Variants in STAM observed in about 807,000 individuals in gnomAD.
STAM encodes the protein signal transducing adaptor molecule.
In STAM, 16 loss-of-function variants were observed where a neutral mutation model predicts 63.4. The observed-to-expected ratio is 0.25, with a 90% CI of 0.17 to 0.38. The LOEUF is 0.38. Ranked by LOEUF, STAM falls within the 10% of genes least tolerant of loss-of-function variation. The pLI, the probability that STAM is intolerant of heterozygous loss-of-function variation, is 1.00. For missense variants in STAM, 636 were observed against 657.1 expected (o/e 0.97, Z 0.35); for synonymous variants, 238 against 223.9 (o/e 1.06, Z -0.56).
chr10:17,683,021 T>G (rs1835150671), intron 2 of STAM, among the ~76,000 whole-genome samples: 1 of 152,254 alleles, frequency 6.6e-6, no homozygotes. Flanking sequence ...TTATGAAAAC[T>G]GCTAACGGTA....
rs1023342295 is a variant in STAM at position 17,704,743 on chromosome 10, A to G, written c.1000+225A>G. ...TGTTCAACATTTTAGAACCTGGTAA[A>G]ATGAAAAATGGCACTTTAAGATTTT... On this transcript the variant is annotated intron_variant, in intron 10 of 13. Coordinates refer to ENST00000377524, the MANE Select transcript of STAM (RefSeq NM_003473.4). Among the ~76,000 whole-genome samples, 5 of 152,222 alleles carry G rather than the reference A, an allele frequency of 3.3e-5. No individual in the cohort carries two copies. Among genetic ancestry groups the G allele is most frequent in the African/African-American group, 1.2e-4 (5 of 41,448 alleles).
Position 17,714,771 on chromosome 10 carries a change from T to C in STAM, c.1614T>C (p.Ala538=), listed in dbSNP as rs782363025. The C allele has an allele frequency of 1.2e-6, 2 of 1,613,806 alleles. No homozygotes were observed. Among genetic ancestry groups the C allele is most frequent in the Non-Finnish European group, 8.5e-7 (1 of 1,179,938 alleles). ...CACAGCAACCATATTCTCAGAAGGC[T>C]CTGCTATAGGACCCGGTGTTCCTCT... ...PQPQQPYSQK[A]LL The change falls in exon 14 of 14, where the codon GCT becomes GCC. Residue 538 remains alanine (A), a synonymous_variant. Transcript: ENST00000377524.
chr10:17,660,352 C>G (rs368313917), intron 1 of STAM, 112 bp from the exon 2 acceptor site: 1 of 624,686 alleles, frequency 1.6e-6, no homozygotes, highest in African/African-American at 1.9e-5. Flanking sequence ...GGCAACTATT[C>G]TGATTTGTTG....
Position 17,707,879 on chromosome 10 carries a change from GT to G in STAM, c.1210-883del, listed in dbSNP as rs782290174. Among the ~76,000 whole-genome samples, 464 of 139,254 alleles carry G rather than the reference GT, an allele frequency of 3.3e-3. 1 individual carries two copies. Among genetic ancestry groups the G allele is most frequent in the African/African-American group, 7.9e-3 (302 of 38,252 alleles). The allele number at this position is 139,254 out of a possible 152,430, so 91.4% of individuals were successfully genotyped here. A position where few individuals can be genotyped will look rare whatever the true frequency, so the allele number is the denominator to read the frequency against. Reference sequence around the variant, plus strand: ...AGTAGACAAATCCAGCCTGTTGCCTGTTTTTTTTTTTTTTAATAAACTTTTT... The same window carrying G: ...AGTAGACAAATCCAGCCTGTTGCCTGTTTTTTTTTTTTTAATAAACTTTTT... On this transcript the variant is annotated intron_variant, in intron 12 of 13. Transcript: ENST00000377524.
intron 2 of STAM, among the ~76,000 whole-genome samples, chr10:17,671,323 G>T (rs1306324224): frequency 6.6e-6 from 1 of 152,174 alleles, no homozygotes; most frequent in Non-Finnish European, 1.5e-5. Context: ...AGTTGTAAAA[G>T]CAAAGATAAA....
rs1836428069 is a variant in STAM, at chr10:17,708,917, C to T, written c.1351C>T (p.Leu451Phe). The T allele has an allele frequency of 1.2e-6, 2 of 1,614,032 alleles. No homozygotes were observed. The highest frequency in any genetic ancestry group is 1.7e-5 in the Admixed American group (1 of 59,994). The change falls in exon 13 of 14, where the codon CTT (leucine) becomes TTT (phenylalanine). Residue 451 changes from leucine to phenylalanine, a missense_variant. Transcript: ENST00000377524. ...GGTCCCACCATCCGCAAACCCAGCC[C>T]TTCCTAGTCAGCAGACTCAGGCCGC... ...AVVPPSANPA[L>F]PSQQTQAAYP...
At chr10:17,645,662 G>T (rs1554820747) in intron 1 of STAM, among the ~76,000 whole-genome samples, 1 of 152,020 alleles carries the variant, frequency 6.6e-6, no homozygotes, top group East Asian at 1.9e-4. Context: ...CTGAATCTTA[G>T]CAGTGGACAG....
chr10:17,647,796 T>TA (rs1287542431), intron 1 of STAM, among the ~76,000 whole-genome samples: 1 of 152,232 alleles, frequency 6.6e-6, no homozygotes, highest in East Asian at 1.9e-4. Flanking sequence ...GAACCTCATC[T>TA]AATTTCTTAG....
intron 4 of STAM, among the ~76,000 whole-genome samples, chr10:17,686,293 G>A (rs1006939464): frequency 6.6e-6 from 1 of 151,786 alleles, no homozygotes; most frequent in Non-Finnish European, 1.5e-5. Flanking sequence ...TTCCAAAAAC[G>A]ACTTCCTATA....
chr10:17,650,917 T>A (rs7070105), intron 1 of STAM, among the ~76,000 whole-genome samples: 21,747 of 151,674 alleles, frequency 0.14, 1,861 homozygotes, highest in East Asian at 0.26. Context: ...TACAAAAAAT[T>A]AGCCGGGCGT....
In STAM at chr10:17,693,316, C is replaced by G; in HGVS notation, c.535+4C>G. 1.2e-6 allele frequency: 2 copies of G among 1,605,450 alleles called. No individual in the cohort carries two copies. The highest frequency in any genetic ancestry group is 1.7e-6 in the Non-Finnish European group (2 of 1,177,186). On this transcript the variant is annotated splice_donor_region_variant and intron_variant, in intron 6 of 13. Transcript: ENST00000377524. ...GAAGAAGAAGATTTAGCAAAAGGTG[C>G]GTTTTTAAGTCCCTGATGGTGGGAA...
intron 5 of STAM, among the ~76,000 whole-genome samples, chr10:17,689,262 A>G (rs1554826482): frequency 1.3e-5 from 2 of 152,216 alleles, no homozygotes. Flanking sequence ...ACTGGGACAG[A>G]CTGTAATGAG....
At chr10:17,685,552 T>C (rs888749582) in intron 4 of STAM, among the ~76,000 whole-genome samples, 1 of 152,160 alleles carries the variant, frequency 6.6e-6, no homozygotes, top group Admixed American at 6.5e-5. Flanking sequence ...GGCTGCAGTT[T>C]ATAGGAGGGT....
chr10:17,691,511 C>CAAATAAAT lies in STAM; in HGVS notation c.445-1694_445-1687dup, dbSNP rs1554826786. 4.4e-3 allele frequency among the ~76,000 whole-genome samples: 669 copies of CAAATAAAT among 151,980 alleles called. 2 individuals carry two copies. The highest frequency in any genetic ancestry group is 0.015 in the African/African-American group (620 of 41,424). ...CCAGCCTGGGCGACAGAGCGAGACT[C>CAAATAAAT]AAATAAATAAATAAATAAATAAATG... On this transcript the variant is annotated intron_variant, in intron 5 of 13. Transcript: ENST00000377524.
Position 17,716,131 on chromosome 10 carries a change from CTAT to C in STAM, c.*1356_*1358del, listed in dbSNP as rs543913385. Among the ~76,000 whole-genome samples the C allele has an allele frequency of 0.011, 1,698 of 152,174 alleles. 9 individuals are homozygous for C. The highest frequency in any genetic ancestry group is 0.018 in the Non-Finnish European group (1,227 of 67,978). Reference sequence around the variant, plus strand: ...TTACGATTTCCCTGGTTGGGCTATACTATTATTTTAGCACTATTTAAACAACGG... The same window carrying C: ...TTACGATTTCCCTGGTTGGGCTATACTATTTTAGCACTATTTAAACAACGG... On this transcript the variant is annotated 3_prime_UTR_variant, in exon 14 of 14. Coordinates refer to ENST00000377524, the MANE Select transcript of STAM (RefSeq NM_003473.4).
chr10:17,645,070 C>T (rs1468560368), intron 1 of STAM, among the ~76,000 whole-genome samples: 1 of 152,190 alleles, frequency 6.6e-6, no homozygotes, highest in Non-Finnish European at 1.5e-5. Flanking sequence ...TTTTCTGAAT[C>T]ACTGGTATTA....
intron 2 of STAM, among the ~76,000 whole-genome samples, chr10:17,675,328 AC>A (rs1399151210): frequency 6.6e-6 from 1 of 151,940 alleles, no homozygotes; most frequent in Non-Finnish European, 1.5e-5. Context: ...ATGTGGTGAA[AC>A]CCTGTCTCCA....
chr10:17,691,991 A>G (rs1219082856), intron 5 of STAM, among the ~76,000 whole-genome samples: 1 of 152,190 alleles, frequency 6.6e-6, no homozygotes, highest in East Asian at 1.9e-4. Context: ...AGGTAATGTT[A>G]CATACTTTTT....
At chr10:17,693,454 C>G (rs1167168048) in intron 6 of STAM, 142 bp downstream of exon 6, 4 of 606,754 alleles carry the variant, frequency 6.6e-6, no homozygotes, top group Non-Finnish European at 1.1e-5. Context: ...TTGCTTTACT[C>G]TTGAGAGGCA....
Sources: allele counts gnomAD v4.1 joint callset (sites outside exome capture counted in the v4.1 genomes callset), GRCh38; gene constraint gnomAD v4.1.1; transcripts MANE v1.5; gene names NCBI Gene and HGNC (gene_info 2026-07-23, HGNC 2026-07-21).